Variants in SLC22A15 observed in about 807,000 individuals in gnomAD.
The protein encoded by SLC22A15 is solute carrier family 22 member 15.
SLC22A15 carries 45 observed loss-of-function variants against 62.7 expected under a neutral mutation model. The observed-to-expected ratio is 0.72, with a 90% CI of 0.56 to 0.92. The LOEUF (loss-of-function observed/expected upper bound fraction) is 0.92, where lower values mean the gene tolerates loss of function less well. SLC22A15 is among the 40% of genes least tolerant of loss of function. The pLI is 0.00. For missense variants in SLC22A15, 622 were observed against 665.6 expected (o/e 0.93, Z 0.72); for synonymous variants, 264 against 267.0 (o/e 0.99, Z 0.11).
intron 1 of SLC22A15, among the ~76,000 whole-genome samples, chr1:115,987,678 G>A (rs1294928733): frequency 6.6e-6 from 1 of 151,966 alleles, no homozygotes; most frequent in Non-Finnish European, 1.5e-5. Context: ...AGTCAATTAG[G>A]TAACTGAGTA....
chr1:116,032,742 A>G (rs1657469471), intron 6 of SLC22A15: 2 of 616,368 alleles, frequency 3.2e-6, no homozygotes, highest in African/African-American at 2.0e-5. Context: ...AAACCTGACA[A>G]CACAACATAG....
chr1:116,007,479 C>T (rs1341011104), intron 2 of SLC22A15, among the ~76,000 whole-genome samples: 1 of 152,212 alleles, frequency 6.6e-6, no homozygotes, highest in East Asian at 1.9e-4. Context: ...ACCCACACAA[C>T]AGGACAGAAC....
At chr1:116,025,374 C>T (rs553655656) in intron 4 of SLC22A15, among the ~76,000 whole-genome samples, 1 of 152,200 alleles carries the variant, frequency 6.6e-6, no homozygotes, top group Non-Finnish European at 1.5e-5. Context: ...TTCCAGGAAA[C>T]TCACACTGTC....
intron 2 of SLC22A15, among the ~76,000 whole-genome samples, chr1:115,999,759 C>A (rs1655629156): frequency 6.6e-6 from 1 of 152,058 alleles, no homozygotes; most frequent in African/African-American, 2.4e-5. Flanking sequence ...CTGCCTCCAC[C>A]CCGCAAAGTG....
At chr1:116,026,589 A>G (rs898751267) in intron 4 of SLC22A15, among the ~76,000 whole-genome samples, 4 of 152,212 alleles carry the variant, frequency 2.6e-5, no homozygotes, top group Non-Finnish European at 4.4e-5. Context: ...GTTCAGGCAA[A>G]TGTCAGTACA....
At chr1:115,987,141 A>G (rs1206450743) in intron 1 of SLC22A15, among the ~76,000 whole-genome samples, 1 of 151,312 alleles carries the variant, frequency 6.6e-6, no homozygotes. Context: ...AGGGAGATTG[A>G]TCTGGTGTCA....
intron 2 of SLC22A15, among the ~76,000 whole-genome samples, chr1:116,018,403 C>G (rs1436959437): frequency 6.6e-6 from 1 of 152,010 alleles, no homozygotes; most frequent in East Asian, 1.9e-4. Flanking sequence ...CTCGCTCTGT[C>G]TCCCAGGCTG....
chr1:116,030,681 A>G (rs993025819), intron 5 of SLC22A15, among the ~76,000 whole-genome samples: 8 of 152,200 alleles, frequency 5.3e-5, no homozygotes, highest in African/African-American at 1.9e-4. Flanking sequence ...GTTGGTCAGG[A>G]AATAACTTCT....
intron 8 of SLC22A15, among the ~76,000 whole-genome samples, chr1:116,053,020 G>T (rs867637567): frequency 7.9e-5 from 12 of 152,336 alleles, no homozygotes; most frequent in Middle Eastern, 3.4e-3. Context: ...CCAAAGGAAC[G>T]CAGTTCCTCA....
intron 2 of SLC22A15, among the ~76,000 whole-genome samples, chr1:116,009,421 C>A (rs947084909): frequency 6.6e-6 from 1 of 151,856 alleles, no homozygotes; most frequent in African/African-American, 2.4e-5. Flanking sequence ...TTGAAAGTTT[C>A]CTGCTGCTGC....
In SLC22A15 at chr1:116,020,772, A is replaced by T. The variant is rs201922814; in HGVS notation, c.485A>T (p.Tyr162Phe). The T allele has an allele frequency of 7.8e-5, 126 of 1,613,732 alleles. 2 individuals are homozygous for T. The Middle Eastern group carries it at 7.8e-3, about 99-fold the overall frequency. ...FAIANGFSPS[Y>F]EFFAVTRFLV... is the part of the protein sequence containing the mutation. ...ATTGCAAATGGATTTTCCCCCTCAT[A>T]TGAGTTCTTTGCAGTAACTCGCTTC... The change falls in exon 4 of 12, where the codon TAT becomes TTT. Residue 162 changes from tyrosine (Y) to phenylalanine (F), a missense_variant. By Grantham distance (22) the Tyr-to-Phe change is conservative. Coordinates refer to ENST00000369503, the MANE Select transcript of SLC22A15 (RefSeq NM_018420.3).
chr1:116,001,369 T>C (rs1052151930), intron 2 of SLC22A15, among the ~76,000 whole-genome samples: 6 of 152,220 alleles, frequency 3.9e-5, no homozygotes, highest in Admixed American at 1.3e-4. Flanking sequence ...ACTATTGATA[T>C]CTTTCTCTCT....
chr1:116,067,283 A>G lies in SLC22A15; in HGVS notation c.*175A>G, dbSNP rs1164630426. On this transcript the variant is annotated 3_prime_UTR_variant, in exon 12 of 12. Coordinates refer to ENST00000369503, the MANE Select transcript of SLC22A15 (RefSeq NM_018420.3). ...GCACAGAAGTTGGAGAAGAGATTTC[A>G]TGAAAGACAACATCACTGCATTGAG... 9.3e-5 allele frequency: 55 copies of G among 589,666 alleles called. 1 individual carries two copies. In the Admixed American group the frequency reaches 1.6e-3, roughly 18 times the overall value. 36.5% of individuals were successfully genotyped at this position (589,666 alleles called of 1,614,324 possible). A position where few individuals can be genotyped will look rare whatever the true frequency, so the allele number is the denominator to read the frequency against.
In SLC22A15 at chr1:116,066,630, A is replaced by G. The variant is rs1570779777; in HGVS notation, c.1476A>G (p.Thr492=). ...CCCTTAACAGTCCGCTGCTAGAAACATTCTCCGACCTTCAGGTGTATTCGT... is the reference window on the plus strand; with the variant it reads ...CCCTTAACAGTCCGCTGCTAGAAACGTTCTCCGACCTTCAGGTGTATTCGT... ...PETLNSPLLE[T]FSDLQVYSYR... The change falls in exon 11 of 12, where the codon ACA becomes ACG. Residue 492 remains threonine, a synonymous_variant. Transcript: ENST00000369503. 2 of 1,612,006 alleles carry G rather than the reference A, an allele frequency of 1.2e-6. No individual in the cohort carries two copies. Among genetic ancestry groups the G allele is most frequent in the Non-Finnish European group, 8.5e-7 (1 of 1,179,252 alleles).
At position 116,045,339 on chromosome 1, in the gene SLC22A15, G is replaced by A. The variant is rs144538562; in HGVS notation, c.1171+7951G>A. On this transcript the variant is annotated intron_variant, in intron 8 of 11. Transcript: ENST00000369503. ...TGGGATTACAGGTGTGAGCCACCAC[G>A]CCTGGCCAATACTAAAATTTTTATG... Among the ~76,000 whole-genome samples, 601 of 151,698 alleles carry A rather than the reference G, an allele frequency of 4.0e-3. 6 individuals are homozygous for A. The highest frequency in any genetic ancestry group is 0.014 in the African/African-American group (581 of 41,388).
At position 116,062,900 on chromosome 1, in the gene SLC22A15, C is replaced by T; in HGVS notation, c.1292+18C>T. Reference sequence around the variant, plus strand: ...GTCATCAGGTACGTGTCTCACACAGCCTCATTCTTCACACATTCTACACTT... The same window carrying T: ...GTCATCAGGTACGTGTCTCACACAGTCTCATTCTTCACACATTCTACACTT... On this transcript the variant is annotated intron_variant, in intron 9 of 11. Coordinates refer to ENST00000369503, the MANE Select transcript of SLC22A15 (RefSeq NM_018420.3). 1 of 1,612,030 alleles carries T rather than the reference C, an allele frequency of 6.2e-7. No homozygotes were observed. Among genetic ancestry groups the T allele is most frequent in the Non-Finnish European group, 8.5e-7 (1 of 1,178,648 alleles).
At chr1:116,007,217 C>A (rs369562481) in intron 2 of SLC22A15, among the ~76,000 whole-genome samples, 1 of 152,106 alleles carries the variant, frequency 6.6e-6, no homozygotes, top group Admixed American at 6.5e-5. Flanking sequence ...AAGATGTATC[C>A]AGAACAACAT....
At chr1:116,043,695 T>C (rs1231496107) in intron 8 of SLC22A15, among the ~76,000 whole-genome samples, 1 of 151,832 alleles carries the variant, frequency 6.6e-6, no homozygotes, top group Non-Finnish European at 1.5e-5. Flanking sequence ...TTAAGACCAA[T>C]ACAATTATTA....
chr1:116,027,341 T>G lies in SLC22A15; in HGVS notation c.728+319T>G, dbSNP rs549074659. The G allele has an allele frequency of 1.5e-5, 8 of 532,194 alleles. No individual in the cohort carries two copies. The African/African-American group carries it at 1.5e-4, about 10-fold the overall frequency. The allele number at this position is 532,194 out of a possible 1,614,324, so 33.0% of individuals were successfully genotyped here. On this transcript the variant is annotated intron_variant, in intron 5 of 11. Transcript: ENST00000369503. Reference sequence around the variant, plus strand: ...TAAAGGTCTTCAGACTGGATCACATTATGTGCTAGGTGTGTGACTGAGGTA... The same window carrying G: ...TAAAGGTCTTCAGACTGGATCACATGATGTGCTAGGTGTGTGACTGAGGTA...
Sources: allele counts gnomAD v4.1 joint callset (sites outside exome capture counted in the v4.1 genomes callset), GRCh38; gene constraint gnomAD v4.1.1; transcripts MANE v1.5; gene names NCBI Gene and HGNC (gene_info 2026-07-23, HGNC 2026-07-21).